The following LARGE1 variants were observed in gnomAD, a reference collection of about 807,000 sequenced individuals.
The protein encoded by LARGE1 is xylosyl- and glucuronyltransferase LARGE1.
A neutral mutation model predicts 87.6 loss-of-function variants in LARGE1; 43 were observed. That is an observed-to-expected ratio of 0.49 (90% CI 0.38 to 0.63). LARGE1 has a LOEUF of 0.63. Among genes scored for constraint, LARGE1 ranks in the 30% least tolerant of loss-of-function variants. The pLI is 0.00. For synonymous variants in LARGE1, 434 were observed against 394.6 expected, an observed-to-expected ratio of 1.10 and a Z score of -1.18; for missense variants, 802 against 1,000.2, an observed-to-expected ratio of 0.80 and a Z score of 2.67.
chr22:33,817,994 G>C (rs999790787), intron 1 of LARGE1, among the ~76,000 whole-genome samples: 1 of 152,096 alleles, frequency 6.6e-6, no homozygotes, highest in African/African-American at 2.4e-5. Flanking sequence ...ACACTGTGGA[G>C]GAAGGGCCTT....
At chr22:33,881,992 C>T (rs2064698238) in intron 1 of LARGE1, among the ~76,000 whole-genome samples, 2 of 152,106 alleles carry the variant, frequency 1.3e-5, no homozygotes, top group South Asian at 4.2e-4. Flanking sequence ...TTTGCCACAC[C>T]CGCAAATGCT....
At chr22:33,092,581 G>C in the LARGE1 span, among the ~76,000 whole-genome samples, 954 of 152,194 alleles carry the variant, frequency 6.3e-3, 16 homozygotes, top group East Asian at 0.071. Context: ...ATTAAGCCCT[G>C]CATGCATTAG....
chr22:33,138,949 A>G, the LARGE1 span, among the ~76,000 whole-genome samples: 1 of 152,174 alleles, frequency 6.6e-6, no homozygotes, highest in African/African-American at 2.4e-5. Context: ...TAATTGAATC[A>G]TGAAGGCAGG....
intron 9 of LARGE1, among the ~76,000 whole-genome samples, chr22:33,370,968 A>C (rs2064787621): frequency 6.7e-6 from 1 of 150,092 alleles, no homozygotes; most frequent in African/African-American, 2.4e-5. Context: ...TATATATGTT[A>C]TGTCTACATA....
intron 6 of LARGE1, among the ~76,000 whole-genome samples, chr22:33,454,853 A>C (rs2147951995): frequency 6.6e-6 from 1 of 152,222 alleles, no homozygotes; most frequent in Non-Finnish European, 1.5e-5. Context: ...TATCATGAGA[A>C]CAGCATGAAA....
intron 5 of LARGE1, among the ~76,000 whole-genome samples, chr22:33,599,777 G>A (rs1459978260): frequency 2.0e-5 from 3 of 152,190 alleles, no homozygotes; most frequent in Non-Finnish European, 4.4e-5. Flanking sequence ...TGTATCAAGG[G>A]AGGCCGTCAC....
At chr22:33,858,274 C>T (rs2063814323) in intron 1 of LARGE1, among the ~76,000 whole-genome samples, 1 of 152,152 alleles carries the variant, frequency 6.6e-6, no homozygotes, top group South Asian at 2.1e-4. Flanking sequence ...AAGTCAGCGG[C>T]AGGTCTGTGA....
chr22:33,131,386 A>G, the LARGE1 span, among the ~76,000 whole-genome samples: 1 of 151,394 alleles, frequency 6.6e-6, no homozygotes, highest in Non-Finnish European at 1.5e-5. Flanking sequence ...CTTTATCCCT[A>G]TTCCCAGATG....
intron 6 of LARGE1, among the ~76,000 whole-genome samples, chr22:33,483,320 A>G (rs1020362512): frequency 1.6e-4 from 25 of 152,024 alleles, no homozygotes; most frequent in African/African-American, 6.0e-4. Context: ...TTCCAGAGCC[A>G]CTCTGGAGAT....
At chr22:33,707,796 TG>T (rs2082606130) in intron 2 of LARGE1, among the ~76,000 whole-genome samples, 1 of 152,236 alleles carries the variant, frequency 6.6e-6, no homozygotes, top group African/African-American at 2.4e-5. Context: ...CTGATGTCAC[TG>T]TTATGATTTT....
the LARGE1 span, chr22:33,105,559 G>C: frequency 6.6e-6 from 1 of 152,132 alleles, no homozygotes; most frequent in Non-Finnish European, 1.5e-5. Flanking sequence ...AGGGCCCCAG[G>C]CTCTTCCCAC....
chr22:33,428,779 A>AG (rs1411217617), intron 7 of LARGE1, among the ~76,000 whole-genome samples: 1 of 146,160 alleles, frequency 6.8e-6, no homozygotes, highest in African/African-American at 2.5e-5. Flanking sequence ...AAAAAAAAAA[A>AG]ATTAGCCGGG....
At chr22:33,457,293 CTTT>C (rs759460321) in intron 6 of LARGE1, among the ~76,000 whole-genome samples, 304 of 74,814 alleles carry the variant, frequency 4.1e-3, no homozygotes, top group African/African-American at 0.016. Context: ...ACGCCTGGCT[CTTT>C]TTTTTTTTTT....
chr22:33,497,625 T>C (rs548922881), intron 6 of LARGE1, among the ~76,000 whole-genome samples: 39 of 152,234 alleles, frequency 2.6e-4, no homozygotes, highest in Non-Finnish European at 5.6e-4. Flanking sequence ...TGACAAAACA[T>C]ACAAAGTGTC....
chr22:33,159,055 C>A (rs111801268), downstream of LARGE1, among the ~76,000 whole-genome samples: 1,270 of 152,260 alleles, frequency 8.3e-3, 20 homozygotes, highest in African/African-American at 0.028. Flanking sequence ...AATATATCAA[C>A]ACTTGCAGAT....
the LARGE1 span, among the ~76,000 whole-genome samples, chr22:33,107,594 G>C: frequency 2.6e-5 from 4 of 151,124 alleles, no homozygotes; most frequent in Admixed American, 2.6e-4. Context: ...GTCAGGCGCA[G>C]TGGCTCATGC....
intron 1 of LARGE1, among the ~76,000 whole-genome samples, chr22:33,850,539 C>G (rs1047965990): frequency 6.6e-6 from 1 of 152,142 alleles, no homozygotes; most frequent in African/African-American, 2.4e-5. Context: ...ATCCAGTGTC[C>G]AGCATATAAC....
At position 33,183,636 on chromosome 22, in the gene LARGE1, A is replaced by ACACACGCACG. The variant is rs145294068; in HGVS notation, c.1731-16805_1731-16804insCGTGCGTGTG. Reference sequence around the variant, plus strand: ...CACACACACGCACACACACACACACACACACACACACACACACAGTATTTA... The same window carrying ACACACGCACG: ...CACACACACGCACACACACACACACACACACGCACGCACACACACACACACACAGTATTTA... On this transcript the variant is annotated intron_variant, in intron 11 of 11. Coordinates refer to the LARGE1 transcript ENST00000608642. Among the ~76,000 whole-genome samples, 312 of 150,260 alleles carry ACACACGCACG rather than the reference A, an allele frequency of 2.1e-3. 3 individuals are homozygous for ACACACGCACG. Among genetic ancestry groups the ACACACGCACG allele is most frequent in the South Asian group, 7.4e-3 (35 of 4,704 alleles).
chr22:33,176,627 G>C (rs561758386), intron 11 of LARGE1, among the ~76,000 whole-genome samples: 4 of 152,268 alleles, frequency 2.6e-5, no homozygotes, highest in Admixed American at 2.0e-4. Context: ...ACTCCAGTTA[G>C]AATGGCAATC....
Sources: allele counts gnomAD v4.1 joint callset (sites outside exome capture counted in the v4.1 genomes callset), GRCh38; gene constraint gnomAD v4.1.1; transcripts MANE v1.5; gene names NCBI Gene and HGNC (gene_info 2026-07-23, HGNC 2026-07-21).